TNFAIP8: variants seen among roughly 807,000 people sequenced by gnomAD.
TNFAIP8 encodes the protein TNF alpha induced protein 8, also known as tumor necrosis factor alpha-induced protein 8.
In TNFAIP8, 7 loss-of-function variants were observed where a neutral mutation model predicts 13.3. The observed-to-expected ratio is 0.52, with a 90% CI of 0.30 to 0.99. The LOEUF (loss-of-function observed/expected upper bound fraction) is 0.99. TNFAIP8 is among the 50% of genes least tolerant of loss of function. The probability of loss-of-function intolerance (pLI) is 0.07; values close to 1 mark genes in which losing one functional copy is unlikely to be tolerated. For missense variants in TNFAIP8, 258 were observed against 236.9 expected, an observed-to-expected ratio of 1.09 and a Z score of -0.58; for synonymous variants, 94 against 87.6, an observed-to-expected ratio of 1.07 and a Z score of -0.41.
At chr5:119,304,159 C>T (rs193048621) in intron 1 of TNFAIP8, among the ~76,000 whole-genome samples, 1 of 152,060 alleles carries the variant, frequency 6.6e-6, no homozygotes, top group Non-Finnish European at 1.5e-5. Context: ...TGCTCTGTTG[C>T]CCAGGCTGGA....
At chr5:119,376,197 C>A (rs1752274000) in intron 1 of TNFAIP8, among the ~76,000 whole-genome samples, 2 of 151,924 alleles carry the variant, frequency 1.3e-5, no homozygotes, top group Non-Finnish European at 1.5e-5. Context: ...TCACTGCAAC[C>A]TCCCCGTCCC....
At chr5:119,296,768 G>T (rs1258271945) in intron 1 of TNFAIP8, among the ~76,000 whole-genome samples, 45 of 151,902 alleles carry the variant, frequency 3.0e-4, no homozygotes, top group African/African-American at 1.1e-3. Flanking sequence ...GACTCTTTTT[G>T]GTTGGTAAGC....
intron 1 of TNFAIP8, among the ~76,000 whole-genome samples, chr5:119,280,478 T>G (rs1169414955): frequency 6.6e-6 from 1 of 152,198 alleles, no homozygotes; most frequent in Non-Finnish European, 1.5e-5. Context: ...ACAAGAAAGA[T>G]TCACACTCAC....
intron 1 of TNFAIP8, among the ~76,000 whole-genome samples, chr5:119,359,862 A>G (rs1751567769): frequency 6.6e-6 from 1 of 152,248 alleles, no homozygotes; most frequent in Non-Finnish European, 1.5e-5. Context: ...TGTAAAAGGT[A>G]CAGCATATGC....
chr5:119,336,400 G>T (rs946339016), intron 1 of TNFAIP8, among the ~76,000 whole-genome samples: 3 of 152,126 alleles, frequency 2.0e-5, no homozygotes, highest in Non-Finnish European at 4.4e-5. Context: ...GGTCTGAGAG[G>T]AAGAAAAGTG....
chr5:119,282,646 C>T (rs1748666497), intron 1 of TNFAIP8, among the ~76,000 whole-genome samples: 1 of 152,244 alleles, frequency 6.6e-6, no homozygotes, highest in South Asian at 2.1e-4. Context: ...TTTGTCTACA[C>T]CCTGATCTGT....
At chr5:119,293,627 G>A (rs1336076278) in intron 1 of TNFAIP8, among the ~76,000 whole-genome samples, 1 of 152,074 alleles carries the variant, frequency 6.6e-6, no homozygotes, top group Non-Finnish European at 1.5e-5. Context: ...TTGTGGTAAT[G>A]GTTACGCAAC....
rs932121499 is a variant in TNFAIP8, at chr5:119,397,698, T to G, written c.*4317T>G. 6.6e-6 allele frequency: 1 copy of G among 152,230 alleles called. No individual in the cohort carries two copies. Among genetic ancestry groups the G allele is most frequent in the African/African-American group, 2.4e-5 (1 of 41,458 alleles). The allele number at this position is 152,230 out of a possible 1,614,324, so 9.4% of individuals were successfully genotyped here. The stretch of plus-strand genomic sequence containing the variant: ...AGCATTAACCAGAAAATGAGTCAGC[T>G]TTTTGTTTCCAAAATGATGCAACAG... On this transcript the variant is annotated 3_prime_UTR_variant, in exon 2 of 2. Transcript: ENST00000504771.
At chr5:119,315,526 T>G (rs1749867591) in intron 1 of TNFAIP8, among the ~76,000 whole-genome samples, 1 of 152,198 alleles carries the variant, frequency 6.6e-6, no homozygotes, top group Admixed American at 6.5e-5. Flanking sequence ...TGGCACACAT[T>G]TGATGAGAAT....
intron 1 of TNFAIP8, among the ~76,000 whole-genome samples, chr5:119,376,014 A>G (rs553560696): frequency 8.5e-4 from 129 of 152,132 alleles, no homozygotes; most frequent in Non-Finnish European, 1.5e-3. Flanking sequence ...GACTTTTTGG[A>G]TGCCTATCTT....
upstream of TNFAIP8, chr5:119,355,280 G>C: frequency 2.9e-6 from 2 of 700,868 alleles, no homozygotes; most frequent in South Asian, 1.5e-5. Context: ...CCCTGAGGAA[G>C]GCCCTTTGGA....
At chr5:119,382,988 G>T (rs890268910) in intron 1 of TNFAIP8, among the ~76,000 whole-genome samples, 3 of 152,276 alleles carry the variant, frequency 2.0e-5, no homozygotes, top group Middle Eastern at 3.4e-3. Flanking sequence ...AAGTTAAAAT[G>T]GTTCTTTATT....
chr5:119,393,575 G>A lies in TNFAIP8; in HGVS notation c.*194G>A, dbSNP rs766122851. 10 of 619,888 alleles carry A rather than the reference G, an allele frequency of 1.6e-5. No homozygotes were observed. The highest frequency in any genetic ancestry group is 3.1e-5 in the Admixed American group (1 of 31,914). The allele number at this position is 619,888 out of a possible 1,614,324, so 38.4% of individuals were successfully genotyped here. A position where few individuals can be genotyped will look rare whatever the true frequency, so the allele number is the denominator to read the frequency against. ...GAAAAGCATATTGCCAAAAATTCTG[G>A]TTAAAAGCTTCCTAACGGGTAACAG... On this transcript the variant is annotated 3_prime_UTR_variant, in exon 2 of 2. Coordinates refer to ENST00000504771, the MANE Select transcript of TNFAIP8 (RefSeq NM_014350.4).
chr5:119,300,741 T>C (rs778352481), intron 1 of TNFAIP8, among the ~76,000 whole-genome samples: 5 of 152,226 alleles, frequency 3.3e-5, no homozygotes, highest in Non-Finnish European at 7.3e-5. Flanking sequence ...TCTGCTTGAC[T>C]CTACAGGCTA....
intron 1 of TNFAIP8, among the ~76,000 whole-genome samples, chr5:119,316,786 C>T (rs540757957): frequency 6.6e-6 from 1 of 152,178 alleles, no homozygotes; most frequent in Non-Finnish European, 1.5e-5. Flanking sequence ...GAACATGGCT[C>T]TCAACTGGGG....
intron 1 of TNFAIP8, among the ~76,000 whole-genome samples, chr5:119,331,470 G>A (rs1431011963): frequency 2.0e-5 from 3 of 152,134 alleles, no homozygotes; most frequent in Admixed American, 1.3e-4. Flanking sequence ...GAGTGTCTTA[G>A]GGAAATGTCT....
chr5:119,345,485 A>G (rs1388775249), intron 1 of TNFAIP8, among the ~76,000 whole-genome samples: 1 of 152,232 alleles, frequency 6.6e-6, no homozygotes, highest in African/African-American at 2.4e-5. Flanking sequence ...GTATAAACAA[A>G]ATGTGATATA....
chr5:119,314,132 G>A (rs13171443), intron 1 of TNFAIP8, among the ~76,000 whole-genome samples: 9,795 of 152,036 alleles, frequency 0.064, 750 homozygotes, highest in African/African-American at 0.18. Context: ...CCAGGAATTC[G>A]CATCTAGCCT....
intron 1 of TNFAIP8, among the ~76,000 whole-genome samples, chr5:119,327,386 A>G (rs1308581666): frequency 5.9e-5 from 9 of 152,214 alleles, no homozygotes; most frequent in African/African-American, 1.4e-4. Flanking sequence ...GAAAAAATCA[A>G]AAGGAAAATA....
Sources: allele counts gnomAD v4.1 joint callset (sites outside exome capture counted in the v4.1 genomes callset), GRCh38; gene constraint gnomAD v4.1.1; transcripts MANE v1.5; gene names NCBI Gene and HGNC (gene_info 2026-07-23, HGNC 2026-07-21).